Variants in MEI1 observed in about 807,000 individuals in gnomAD.
MEI1 encodes meiotic double-stranded break formation protein 1.
Under a neutral mutation model 146.2 loss-of-function variants are expected in MEI1, and 103 were observed. The observed-to-expected ratio is 0.70, with a 90% CI of 0.60 to 0.83. The LOEUF is 0.83. MEI1 is among the 40% of genes least tolerant of loss of function. MEI1 has a pLI of 0.00. For missense variants in MEI1, 1,529 were observed against 1,533.0 expected, an observed-to-expected ratio of 1.00 and a Z score of 0.04; for synonymous variants, 652 against 628.2, an observed-to-expected ratio of 1.04 and a Z score of -0.57.
chr22:41,784,812 T>C (rs762452421), intron 26 of MEI1, 29 bp downstream of exon 26: 1 of 1,549,792 alleles, frequency 6.5e-7, no homozygotes, highest in Non-Finnish European at 8.7e-7. Flanking sequence ...GGGGCTTGCT[T>C]CTCCCAGGAC....
Position 41,795,301 on chromosome 22 carries a change from G to A in MEI1, c.3535-110G>A. The A allele has an allele frequency of 6.9e-7, 1 of 1,455,504 alleles. No individual in the cohort carries two copies. The highest frequency in any genetic ancestry group is 1.4e-5 in the African/African-American group (1 of 71,276). 90.2% of individuals were successfully genotyped at this position (1,455,504 alleles called of 1,614,324 possible). Reference sequence around the variant, plus strand: ...ACTCTGAGCTCCTTGAAGGCAGGCAGGTTCTGTGGGCTTCAGGACAGTGTC... The same window carrying A: ...ACTCTGAGCTCCTTGAAGGCAGGCAAGTTCTGTGGGCTTCAGGACAGTGTC... On this transcript the variant is annotated intron_variant, in intron 28 of 30. Transcript: ENST00000401548. This position sits in a 1 kb window ranked among gnomAD's most constrained non-coding sequence, Gnocchi z 4.2.
chr22:41,784,254 G>GA, intron 24 of MEI1, 85 bp from the exon 25 acceptor site: 1 of 1,189,832 alleles, frequency 8.4e-7, no homozygotes, highest in Non-Finnish European at 1.2e-6. Flanking sequence ...GTGGGGGGAG[G>GA]TGATAGAAGA....
chr22:41,789,287 G>A (rs1033607933), intron 26 of MEI1, among the ~76,000 whole-genome samples: 1 of 152,118 alleles, frequency 6.6e-6, no homozygotes, highest in Non-Finnish European at 1.5e-5. Flanking sequence ...ACTCCAGCCT[G>A]GGTGACAGAG....
chr22:41,753,874 A>G lies in MEI1; in HGVS notation c.1854-75A>G, dbSNP rs2073930378. On this transcript the variant is annotated intron_variant, in intron 16 of 30. Transcript: ENST00000401548. ...TGGCACAAAGCAGTGGTGCCCAGGCATATGGCAGGGATAATGCTCTCCCAG... is the reference window on the plus strand; with the variant it reads ...TGGCACAAAGCAGTGGTGCCCAGGCGTATGGCAGGGATAATGCTCTCCCAG... 4 of 1,020,994 alleles carry G rather than the reference A, an allele frequency of 3.9e-6. No homozygotes were observed. The Admixed American group carries it at 6.8e-5, about 17-fold the overall frequency. The allele number at this position is 1,020,994 out of a possible 1,614,324, so 63.2% of individuals were successfully genotyped here. A position where few individuals can be genotyped will look rare whatever the true frequency, so the allele number is the denominator to read the frequency against.
At chr22:41,772,196 T>C (rs922874365) in intron 20 of MEI1, among the ~76,000 whole-genome samples, 12 of 152,302 alleles carry the variant, frequency 7.9e-5, no homozygotes, top group African/African-American at 2.9e-4. Flanking sequence ...TATCTAAACA[T>C]AGAAAAGATA....
chr22:41,725,910 G>A (rs1309070596), intron 7 of MEI1, among the ~76,000 whole-genome samples: 1 of 152,206 alleles, frequency 6.6e-6, no homozygotes, highest in African/African-American at 2.4e-5. Context: ...AAACCCTGAT[G>A]TGATAGCAGG....
At chr22:41,737,428 A>G (rs2072472972) in intron 11 of MEI1, among the ~76,000 whole-genome samples, 1 of 151,938 alleles carries the variant, frequency 6.6e-6, no homozygotes, top group South Asian at 2.1e-4. Flanking sequence ...TTTAGTAGAG[A>G]AGGGGTTTCA....
At chr22:41,754,527 A>G (rs550118180) in intron 17 of MEI1, among the ~76,000 whole-genome samples, 5 of 151,890 alleles carry the variant, frequency 3.3e-5, no homozygotes, top group Non-Finnish European at 7.4e-5. Context: ...TCTGCCTTCC[A>G]GGTTCAAGTG....
intron 24 of MEI1, among the ~76,000 whole-genome samples, chr22:41,782,236 A>T (rs2075784644): frequency 6.6e-6 from 1 of 152,198 alleles, no homozygotes; most frequent in African/African-American, 2.4e-5. Context: ...GAAGCTGCAC[A>T]AATTCAGGAC....
intron 19 of MEI1, among the ~76,000 whole-genome samples, chr22:41,769,177 A>C (rs2075027812): frequency 6.6e-6 from 1 of 152,210 alleles, no homozygotes; most frequent in Admixed American, 6.5e-5. Context: ...TTAGCAAAAA[A>C]CTATAGTAAT....
chr22:41,793,921 T>A lies in MEI1; in HGVS notation c.3427+11T>A. On this transcript the variant is annotated intron_variant, in intron 27 of 30. Coordinates refer to ENST00000401548, the MANE Select transcript of MEI1 (RefSeq NM_152513.4). ...GGAGCCCAGACATTGGTAGAAACTC[T>A]CCACATTATCTGATGTTCCCATGAG... 1 of 1,607,222 alleles carries A rather than the reference T, an allele frequency of 6.2e-7. No homozygotes were observed. Among genetic ancestry groups the A allele is most frequent in the Middle Eastern group, 1.7e-4 (1 of 6,060 alleles).
chr22:41,754,247 G>T (rs544565506), intron 17 of MEI1, among the ~76,000 whole-genome samples: 1 of 152,078 alleles, frequency 6.6e-6, no homozygotes, highest in Non-Finnish European at 1.5e-5. Flanking sequence ...GGAACCCAAG[G>T]CTCCTGGCAC....
chr22:41,730,297 C>G (rs2179332), intron 8 of MEI1, among the ~76,000 whole-genome samples: 52,209 of 152,034 alleles, frequency 0.34, 9,843 homozygotes, highest in Non-Finnish European at 0.44. Flanking sequence ...TGCCTCTTCT[C>G]TGGGACTCAG....
In MEI1 at chr22:41,748,088, C is replaced by T; in HGVS notation, c.1681-19C>T. ...GCTCAGTCCCCGTGGGCTGTGTTCT[C>T]TCTCCTGGTTCTTTGCAGAGACACT... On this transcript the variant is annotated intron_variant, in intron 14 of 30. Transcript: ENST00000401548. 6.3e-7 allele frequency: 1 copy of T among 1,583,960 alleles called. No homozygotes were observed. The highest frequency in any genetic ancestry group is 8.7e-7 in the Non-Finnish European group (1 of 1,153,130).
chr22:41,710,966 G>A (rs2069500612), intron 3 of MEI1, among the ~76,000 whole-genome samples: 1 of 152,100 alleles, frequency 6.6e-6, no homozygotes, highest in East Asian at 1.9e-4. Context: ...ACTTGTACAT[G>A]GATCCATTGA....
intron 20 of MEI1, among the ~76,000 whole-genome samples, chr22:41,774,989 G>A (rs944859663): frequency 6.6e-6 from 1 of 152,146 alleles, no homozygotes; most frequent in Non-Finnish European, 1.5e-5. Flanking sequence ...GTCAGTAGCT[G>A]TCCTCCCTGG....
chr22:41,709,564 G>A (rs1354530802), intron 3 of MEI1: 6 of 509,336 alleles, frequency 1.2e-5, no homozygotes, highest in Non-Finnish European at 1.9e-5. Flanking sequence ...GTCGGTCCAG[G>A]GGTTGTTCTC....
chr22:41,716,153 G>T lies in MEI1; in HGVS notation c.529+7G>T. The T allele has an allele frequency of 1.3e-6, 2 of 1,591,556 alleles. No homozygotes were observed. The highest frequency in any genetic ancestry group is 2.3e-5 in the South Asian group (2 of 88,176). ...GAGCTTGTAATGGAGCATGGTGAGT[G>T]ACCTGTGGGAGGAGCTGCCACTACC... is the stretch of plus-strand genomic sequence containing the variant. On this transcript the variant is annotated splice_region_variant and intron_variant, in intron 5 of 30. Transcript: ENST00000401548.
chr22:41,781,763 A>AT lies in MEI1; in HGVS notation c.3007dup (p.Ser1003PhefsTer131), dbSNP rs2075766395. ...CTGGCCCTCACCTTGGCAAAGGCAG[A>AT]TTCTCCCAGGACTGCACTCCTCTGC... On this transcript the variant is annotated frameshift_variant, in exon 24 of 31. Transcript: ENST00000401548. LOFTEE classifies it high-confidence loss of function. 1 of 1,613,854 alleles carries AT rather than the reference A, an allele frequency of 6.2e-7. No individual in the cohort carries two copies. Among genetic ancestry groups the AT allele is most frequent in the South Asian group, 1.1e-5 (1 of 91,080 alleles).
Sources: gnomAD v4.1 joint callset for allele counts (sites outside exome capture counted in the v4.1 genomes callset) on GRCh38, gnomAD v4.1.1 for gene constraint, Gnocchi (gnomAD v3.1) non-coding constraint, MANE v1.5 for transcripts, NCBI Gene and HGNC (gene_info 2026-07-23, HGNC 2026-07-21) for gene names.